Variants in SLC8A1 observed in about 807,000 individuals in gnomAD.
The protein encoded by SLC8A1 is solute carrier family 8 member A1, also known as sodium/calcium exchanger 1.
In SLC8A1, 18 loss-of-function variants were observed where a neutral mutation model predicts 68.3. The observed-to-expected ratio is 0.26, with a 90% CI of 0.18 to 0.39. SLC8A1 has a LOEUF of 0.39. Among genes scored for constraint, SLC8A1 ranks in the 10% least tolerant of loss-of-function variants. The pLI, the probability that SLC8A1 is intolerant of heterozygous loss-of-function variation, is 1.00. For synonymous variants in SLC8A1, 475 were observed against 415.5 expected (o/e 1.14, Z -1.74); for missense variants, 985 against 1,156.7 (o/e 0.85, Z 2.15).
chr2:40,335,204 G>C (rs1665564731), intron 2 of SLC8A1, among the ~76,000 whole-genome samples: 1 of 152,056 alleles, frequency 6.6e-6, no homozygotes, highest in Non-Finnish European at 1.5e-5. Flanking sequence ...ACTACAACTG[G>C]CTTTCTTTTC....
At chr2:40,112,280 T>C (rs1207269505) in exon 8 of SLC8A1, 1 of 152,594 alleles carries the variant, frequency 6.6e-6, no homozygotes, top group Non-Finnish European at 1.5e-5. Flanking sequence ...GAAACTTTAT[T>C]TGTCTGTGTC....
At position 40,376,001 on chromosome 2, in the gene SLC8A1, A is replaced by AAAAT. The variant is rs536218626; in HGVS notation, c.1808+52468_1808+52471dup. Among the ~76,000 whole-genome samples, 945 of 152,132 alleles carry AAAAT rather than the reference A, an allele frequency of 6.2e-3. 18 individuals are homozygous for AAAAT. The highest frequency in any genetic ancestry group is 8.9e-3 in the African/African-American group (371 of 41,552). On this transcript the variant is annotated intron_variant, in intron 2 of 7. Coordinates refer to ENST00000406785, the Ensembl canonical transcript of SLC8A1. The stretch of plus-strand genomic sequence containing the variant: ...GGGTGACAGAGCAAGACCCTGTCTC[A>AAAAT]AAATAAATAAATAAATAAATAAAAA...
At chr2:40,234,669 T>A (rs1286406203) in intron 2 of SLC8A1, among the ~76,000 whole-genome samples, 6 of 152,328 alleles carry the variant, frequency 3.9e-5, no homozygotes, top group African/African-American at 1.4e-4. Flanking sequence ...GGCATCCCTG[T>A]CTTGTGCCAG....
intron 7 of SLC8A1, among the ~76,000 whole-genome samples, chr2:40,129,617 C>G (rs902591005): frequency 3.3e-5 from 5 of 152,156 alleles, no homozygotes; most frequent in African/African-American, 1.2e-4. Flanking sequence ...GAGACTGACA[C>G]TCTTGTGAAT....
intron 2 of SLC8A1, among the ~76,000 whole-genome samples, chr2:40,403,300 C>A (rs866995108): frequency 7.9e-5 from 12 of 152,148 alleles, no homozygotes; most frequent in Middle Eastern, 6.3e-3. Context: ...GAAATAAACT[C>A]TTAATTACTT....
chr2:40,442,577 T>C (rs1280206378), intron 1 of SLC8A1, among the ~76,000 whole-genome samples: 1 of 152,094 alleles, frequency 6.6e-6, no homozygotes, highest in Non-Finnish European at 1.5e-5. Context: ...CCAGTCAAAA[T>C]GGCAATTATT....
chr2:40,221,717 C>A (rs967037521), intron 2 of SLC8A1, among the ~76,000 whole-genome samples: 1 of 152,144 alleles, frequency 6.6e-6, no homozygotes, highest in Admixed American at 6.5e-5. Flanking sequence ...ACAAGTCTTC[C>A]TATACAGCAA....
upstream of SLC8A1, chr2:40,452,095 G>A (rs1702625535): frequency 6.7e-6 from 1 of 149,462 alleles, no homozygotes; most frequent in South Asian, 1.9e-4. Context: ...CGCGGCAGCG[G>A]GCAGCGGTGC....
At chr2:40,284,783 T>C (rs1320515804) in intron 2 of SLC8A1, among the ~76,000 whole-genome samples, 1 of 151,940 alleles carries the variant, frequency 6.6e-6, no homozygotes, top group Non-Finnish European at 1.5e-5. Context: ...ATGTCATCCG[T>C]GCAAACAACG....
At chr2:40,138,861 T>C (rs17025234) in intron 7 of SLC8A1, among the ~76,000 whole-genome samples, 19,821 of 152,192 alleles carry the variant, frequency 0.13, 1,460 homozygotes, top group African/African-American at 0.17. Context: ...ACATTTGGCC[T>C]GTCCACTTTT....
intron 2 of SLC8A1, among the ~76,000 whole-genome samples, chr2:40,373,594 G>A (rs886666899): frequency 3.9e-5 from 6 of 151,918 alleles, no homozygotes; most frequent in Non-Finnish European, 7.4e-5. Context: ...TTAGCCTGCC[G>A]AACAATCCAG....
chr2:40,391,533 C>T (rs1225318443), intron 2 of SLC8A1, among the ~76,000 whole-genome samples: 2 of 151,998 alleles, frequency 1.3e-5, no homozygotes, highest in Non-Finnish European at 2.9e-5. Flanking sequence ...AGGAATTTGA[C>T]AGGAACCATA....
intron 2 of SLC8A1, among the ~76,000 whole-genome samples, chr2:40,258,869 A>G (rs1184963608): frequency 6.6e-6 from 1 of 151,872 alleles, no homozygotes; most frequent in Non-Finnish European, 1.5e-5. Context: ...ACAAAAAACA[A>G]CAAAAAACCC....
At chr2:40,464,590 T>C (rs1055406548) in intron 1 of SLC8A1, among the ~76,000 whole-genome samples, 1 of 152,222 alleles carries the variant, frequency 6.6e-6, no homozygotes, top group Non-Finnish European at 1.5e-5. Context: ...CTGTATCATA[T>C]ACCCCTAGAG....
intron 2 of SLC8A1, among the ~76,000 whole-genome samples, chr2:40,413,112 G>C (rs1391864163): frequency 6.6e-6 from 1 of 152,140 alleles, no homozygotes; most frequent in African/African-American, 2.4e-5. Flanking sequence ...ACAGGTGCTG[G>C]AGAGGATGTG....
intron 1 of SLC8A1, among the ~76,000 whole-genome samples, chr2:40,458,740 G>T (rs1377473459): frequency 6.6e-6 from 1 of 152,128 alleles, no homozygotes; most frequent in Non-Finnish European, 1.5e-5. Flanking sequence ...GTTATCTCAG[G>T]AATTACTTCT....
At chr2:40,410,328 A>G (rs1293010568) in intron 2 of SLC8A1, among the ~76,000 whole-genome samples, 2 of 152,134 alleles carry the variant, frequency 1.3e-5, no homozygotes, top group African/African-American at 4.8e-5. Context: ...TAGGAGGAAA[A>G]TAACATCCAG....
At chr2:40,442,507 T>A (rs956624982) in intron 1 of SLC8A1, among the ~76,000 whole-genome samples, 3 of 151,746 alleles carry the variant, frequency 2.0e-5, no homozygotes, top group African/African-American at 7.3e-5. Flanking sequence ...CAAGAAAAGC[T>A]CATCATCACT....
upstream of SLC8A1, among the ~76,000 whole-genome samples, chr2:40,452,874 G>C (rs1250712623): frequency 5.3e-5 from 8 of 151,966 alleles, no homozygotes. Flanking sequence ...TCGTGTGAAA[G>C]GCGTGCTGGT....
Sources: allele counts gnomAD v4.1 joint callset (sites outside exome capture counted in the v4.1 genomes callset), GRCh38; gene constraint gnomAD v4.1.1; transcripts MANE v1.5; gene names NCBI Gene and HGNC (gene_info 2026-07-23, HGNC 2026-07-21).